The following SPEN variants were observed in gnomAD, a reference collection of about 807,000 sequenced individuals.
SPEN encodes msx2-interacting protein.
A neutral mutation model predicts 269.9 loss-of-function variants in SPEN; 18 were observed. The ratio of observed to expected loss-of-function variants is 0.07; its 90% CI spans 0.05 to 0.10. The LOEUF is 0.10. SPEN is among the 10% of genes least tolerant of loss of function. The pLI, the probability that SPEN is intolerant of heterozygous loss-of-function variation, is 1.00. For missense variants in SPEN, 3,822 were observed against 4,631.2 expected (o/e 0.83, Z 5.07); for synonymous variants, 1,726 against 1,765.7 (o/e 0.98, Z 0.56).
At position 15,930,288 on chromosome 1, in the gene SPEN, A is replaced by G. The variant is rs1265317050; in HGVS notation, c.4048A>G (p.Arg1350Gly). 1.2e-6 allele frequency: 2 copies of G among 1,614,192 alleles called. No individual in the cohort carries two copies. Among genetic ancestry groups the G allele is most frequent in the South Asian group, 2.2e-5 (2 of 91,082 alleles). The change falls in exon 11 of 15, where the codon AGA becomes GGA. Residue 1350 changes from arginine (R) to glycine (G), a missense_variant. This residue lies in a region of SPEN where 267 missense variants were observed against 315.5 expected (regional missense o/e 0.85). Coordinates refer to ENST00000375759, the MANE Select transcript of SPEN (RefSeq NM_015001.3). This position sits in a 1 kb window ranked among gnomAD's most constrained non-coding sequence, Gnocchi z 5.3. ...CTCTCAGATGAAACAGGATGCTGGC[A>G]GATTTGATGTGAGTTTCCCAAACAG... The part of the protein sequence containing the change: ...WDSQMKQDAG[R>G]FDVSFPNSII...
At chr1:15,920,606 C>T (rs1418120062) in intron 8 of SPEN, among the ~76,000 whole-genome samples, 3 of 151,920 alleles carry the variant, frequency 2.0e-5, no homozygotes, top group Non-Finnish European at 4.4e-5. Context: ...GGTCAGTAAA[C>T]ATGGAAAACA....
intron 7 of SPEN, 116 bp downstream of exon 7, chr1:15,919,167 C>A: frequency 1.1e-6 from 1 of 895,596 alleles, no homozygotes; most frequent in Non-Finnish European, 1.7e-6. Context: ...GACAGATAAC[C>A]ATAAAAGTGA....
chr1:15,905,663 C>T (rs923450767), intron 3 of SPEN, among the ~76,000 whole-genome samples: 1 of 152,038 alleles, frequency 6.6e-6, no homozygotes, highest in Non-Finnish European at 1.5e-5. Context: ...ACCTCCACCT[C>T]CCGGGTTCAA....
At chr1:15,900,230 CT>C in intron 3 of SPEN, among the ~76,000 whole-genome samples, 1 of 152,178 alleles carries the variant, frequency 6.6e-6, no homozygotes, top group East Asian at 1.9e-4. Flanking sequence ...TAAAATAGAC[CT>C]TTTTCTAATT....
chr1:15,908,035 A>AG (rs1490354150), intron 3 of SPEN, among the ~76,000 whole-genome samples: 1 of 152,188 alleles, frequency 6.6e-6, no homozygotes, highest in Non-Finnish European at 1.5e-5. Context: ...ATCACAGTGA[A>AG]GAAAGCCTAA....
rs137862388 is a variant in SPEN, at chr1:15,866,772, A to G, written c.84-6044A>G. Among the ~76,000 whole-genome samples, 321 of 152,312 alleles carry G rather than the reference A, an allele frequency of 2.1e-3. 1 individual carries two copies. Among genetic ancestry groups the G allele is most frequent in the Non-Finnish European group, 3.6e-3 (248 of 68,022 alleles). ...GAAATGAAGCTAGCAGATTTTGACT[A>G]TCATCAGCACCTCATCATATATAAC... is the stretch of plus-strand genomic sequence containing the variant. On this transcript the variant is annotated intron_variant, in intron 1 of 14. Transcript: ENST00000375759.
intron 5 of SPEN, among the ~76,000 whole-genome samples, chr1:15,914,178 C>T (rs2071035777): frequency 6.6e-6 from 1 of 152,058 alleles, no homozygotes; most frequent in African/African-American, 2.4e-5. Context: ...TCTGATTGAT[C>T]GAAAGGGGTA....
intron 3 of SPEN, among the ~76,000 whole-genome samples, chr1:15,897,602 T>TC (rs766120805): frequency 6.6e-6 from 1 of 151,866 alleles, no homozygotes; most frequent in South Asian, 2.1e-4. Flanking sequence ...CCTCAGGTGA[T>TC]CCCCCCGCCT....
intron 10 of SPEN, among the ~76,000 whole-genome samples, chr1:15,924,286 G>C (rs145574174): frequency 6.6e-6 from 1 of 152,114 alleles, no homozygotes; most frequent in East Asian, 1.9e-4. Context: ...ATGCTTACAA[G>C]GAATTCTTAT....
intron 10 of SPEN, among the ~76,000 whole-genome samples, chr1:15,923,609 G>A (rs1448950722): frequency 6.6e-6 from 1 of 151,688 alleles, no homozygotes; most frequent in East Asian, 1.9e-4. Context: ...TTAAATGATA[G>A]CAAGTATTAA....
chr1:15,853,769 A>G (rs544351677), intron 1 of SPEN, among the ~76,000 whole-genome samples: 21 of 152,124 alleles, frequency 1.4e-4, no homozygotes, highest in Admixed American at 7.9e-4. Context: ...TCCCGGTTCA[A>G]GTGATTCTCC....
chr1:15,854,482 G>A (rs2070366154), intron 1 of SPEN, among the ~76,000 whole-genome samples: 1 of 151,980 alleles, frequency 6.6e-6, no homozygotes, highest in Non-Finnish European at 1.5e-5. Context: ...TAGAAAGCAT[G>A]TAGTTTTTTT....
chr1:15,852,108 A>G (rs1051270424), intron 1 of SPEN, among the ~76,000 whole-genome samples: 1 of 152,260 alleles, frequency 6.6e-6, no homozygotes. Flanking sequence ...GTATATTCAG[A>G]TATCTTTACC....
intron 1 of SPEN, among the ~76,000 whole-genome samples, chr1:15,849,892 T>C (rs887653519): frequency 2.0e-5 from 3 of 152,170 alleles, no homozygotes; most frequent in Non-Finnish European, 2.9e-5. Context: ...GAAATTCGTA[T>C]GCACCGATGT....
rs1489511233 is a variant in SPEN at position 15,935,304 on chromosome 1, G to A, written c.9064G>A (p.Asp3022Asn). 2.5e-6 allele frequency: 4 copies of A among 1,614,018 alleles called. No individual in the cohort carries two copies. The highest frequency in any genetic ancestry group is 3.4e-6 in the Non-Finnish European group (4 of 1,180,040). The change falls in exon 11 of 15, where the codon GAT (aspartate) becomes AAT (asparagine). Residue 3022 changes from aspartate (D) to asparagine (N), a missense_variant. Coordinates refer to ENST00000375759, the MANE Select transcript of SPEN (RefSeq NM_015001.3). This position sits in a 1 kb window ranked among gnomAD's most constrained non-coding sequence, Gnocchi z 7.7. ...CTCCCATTTGGCAGCTGCAAAGCTA[G>A]ATGCTCATTCTCCTCGACCAAGTGG... is the stretch of plus-strand genomic sequence containing the variant. ...TVSHLAAAKL[D>N]AHSPRPSGPG... is the part of the protein sequence containing the mutation.
At chr1:15,858,449 A>G (rs962822683) in intron 1 of SPEN, among the ~76,000 whole-genome samples, 6 of 152,124 alleles carry the variant, frequency 3.9e-5, no homozygotes, top group Non-Finnish European at 8.8e-5. Flanking sequence ...TAGTCCTCCT[A>G]GTTAGGAAAT....
At chr1:15,860,995 C>T (rs890030488) in intron 1 of SPEN, among the ~76,000 whole-genome samples, 1 of 152,050 alleles carries the variant, frequency 6.6e-6, no homozygotes, top group Non-Finnish European at 1.5e-5. Flanking sequence ...ATCTCTGCCT[C>T]CTGGGTTCAA....
chr1:15,924,752 G>C (rs1367637857), intron 10 of SPEN, among the ~76,000 whole-genome samples: 1 of 152,214 alleles, frequency 6.6e-6, no homozygotes, highest in African/African-American at 2.4e-5. Context: ...GAGCCACCAC[G>C]CTTGGCCAAA....
chr1:15,889,584 G>A (rs1570010293), intron 3 of SPEN, among the ~76,000 whole-genome samples: 1 of 152,142 alleles, frequency 6.6e-6, no homozygotes. Context: ...TAGTCTTGCT[G>A]TCCATTCCTG....
Sources: gnomAD v4.1 joint callset for allele counts (sites outside exome capture counted in the v4.1 genomes callset) on GRCh38, gnomAD v4.1.1 for gene constraint, gnomAD v4.1.1 regional missense constraint, Gnocchi (gnomAD v3.1) non-coding constraint, MANE v1.5 for transcripts, NCBI Gene and HGNC (gene_info 2026-07-23, HGNC 2026-07-21) for gene names.